TSHZ3: variants seen among roughly 807,000 people sequenced by gnomAD.
The protein encoded by TSHZ3 is teashirt zinc finger homeobox 3.
Under a neutral mutation model 64.5 loss-of-function variants are expected in TSHZ3, and 10 were observed. The observed-to-expected ratio is 0.16, with a 90% CI of 0.10 to 0.26. The LOEUF (loss-of-function observed/expected upper bound fraction) is 0.26, where lower values mean the gene tolerates loss of function less well. Ranked by LOEUF, TSHZ3 falls within the 10% of genes least tolerant of loss-of-function variation. The pLI, the probability that TSHZ3 is intolerant of heterozygous loss-of-function variation, is 1.00. For synonymous variants in TSHZ3, 608 were observed against 593.1 expected (o/e 1.03, Z -0.36); for missense variants, 1,242 against 1,421.7 (o/e 0.87, Z 2.03).
chr19:31,291,365 A>G (rs2145130040), intron 1 of TSHZ3, among the ~76,000 whole-genome samples: 1 of 152,218 alleles, frequency 6.6e-6, no homozygotes, highest in Middle Eastern at 3.4e-3. Context: ...CCATTGTACC[A>G]CCGTCTAGCA....
At position 31,204,508 on chromosome 19, in the gene TSHZ3, AAT is replaced by A. The variant is rs369884578; in HGVS notation, n.809+446_809+447del. 1.3e-3 allele frequency among the ~76,000 whole-genome samples: 205 copies of A among 152,272 alleles called. 8 individuals carry two copies. The South Asian group carries it at 0.042, about 31-fold the overall frequency. ...AAAATTATGTAAATTAAATTTGTCAAATATATCACTCCACTGTAGCAAATTTC... is the reference window on the plus strand; with the variant it reads ...AAAATTATGTAAATTAAATTTGTCAAATATCACTCCACTGTAGCAAATTTC... On this transcript the variant is annotated intron_variant and non_coding_transcript_variant, in intron 5 of 6. Transcript: ENST00000651361.
At chr19:31,270,249 A>G (rs924133764), downstream of TSHZ3, among the ~76,000 whole-genome samples, 7 of 152,214 alleles carry the variant, frequency 4.6e-5, no homozygotes, top group Non-Finnish European at 1.0e-4. Context: ...ATACCCATGA[A>G]CTGGAAACAC....
At chr19:31,244,631 G>A (rs920022847) in intron 1 of TSHZ3, among the ~76,000 whole-genome samples, 2 of 152,148 alleles carry the variant, frequency 1.3e-5, no homozygotes, top group African/African-American at 2.4e-5. Flanking sequence ...TATGTATACG[G>A]TCATTCAAAA....
chr19:31,340,580 G>A (rs1917403781), intron 1 of TSHZ3, among the ~76,000 whole-genome samples: 1 of 152,168 alleles, frequency 6.6e-6, no homozygotes, highest in Non-Finnish European at 1.5e-5. Flanking sequence ...AGCCTTGGCG[G>A]TGAGGAGAGA....
chr19:31,168,004 C>T (rs1031263841), intron 5 of TSHZ3, among the ~76,000 whole-genome samples: 2 of 152,168 alleles, frequency 1.3e-5, no homozygotes, highest in East Asian at 1.9e-4. Context: ...TCTTTTATAT[C>T]TGCCTGTAAA....
intron 6 of TSHZ3, among the ~76,000 whole-genome samples, chr19:31,151,955 A>C (rs1179030455): frequency 1.3e-5 from 2 of 152,204 alleles, no homozygotes; most frequent in Non-Finnish European, 2.9e-5. Context: ...CACACACACA[A>C]AAGTTAACTC....
chr19:31,344,138 T>C (rs919736912), intron 1 of TSHZ3, among the ~76,000 whole-genome samples: 1 of 152,182 alleles, frequency 6.6e-6, no homozygotes, highest in African/African-American at 2.4e-5. Context: ...CATTTGTAAC[T>C]TCAGACAGAG....
chr19:31,242,263 G>A (rs1381174571), intron 3 of TSHZ3, among the ~76,000 whole-genome samples: 2 of 152,120 alleles, frequency 1.3e-5, no homozygotes. Context: ...AAGGGAATTG[G>A]CTCACATGAT....
At chr19:31,220,605 A>T (rs975636420) in intron 4 of TSHZ3, among the ~76,000 whole-genome samples, 32 of 152,322 alleles carry the variant, frequency 2.1e-4, no homozygotes, top group African/African-American at 7.2e-4. Flanking sequence ...TTTAAATAGC[A>T]ACATATGATT....
chr19:31,342,086 T>A (rs931648238), intron 1 of TSHZ3, among the ~76,000 whole-genome samples: 1 of 152,246 alleles, frequency 6.6e-6, no homozygotes, highest in Admixed American at 6.5e-5. Context: ...ACATTTTTTA[T>A]GTACTTACCA....
At chr19:31,212,042 C>G (rs1291615502) in intron 4 of TSHZ3, among the ~76,000 whole-genome samples, 1 of 151,264 alleles carries the variant, frequency 6.6e-6, no homozygotes, top group Non-Finnish European at 1.5e-5. Flanking sequence ...TTAAGCTTTT[C>G]TTTCTCTCTT....
At chr19:31,327,300 A>C (rs1291528231) in intron 1 of TSHZ3, among the ~76,000 whole-genome samples, 2 of 152,232 alleles carry the variant, frequency 1.3e-5, no homozygotes, top group African/African-American at 4.8e-5. Flanking sequence ...AACAGCGATC[A>C]ATTTCCTTGT....
chr19:31,186,242 A>G (rs1974807747), intron 5 of TSHZ3, among the ~76,000 whole-genome samples: 1 of 152,168 alleles, frequency 6.6e-6, no homozygotes, highest in African/African-American at 2.4e-5. Context: ...ATGAGAAACT[A>G]CTGAGATGGT....
At chr19:31,265,115 G>T (rs144439759) in intron 1 of TSHZ3, among the ~76,000 whole-genome samples, 1 of 152,012 alleles carries the variant, frequency 6.6e-6, no homozygotes, top group Non-Finnish European at 1.5e-5. Flanking sequence ...TCCCATAGCC[G>T]GCTGGGTGCA....
Position 31,155,228 on chromosome 19 carries a change from T to C in TSHZ3, n.871+1128A>G, listed in dbSNP as rs533521430. ...TGATCCCATGCTCTCCCTGGGACTA[T>C]GTTACTTGGACAAGGAATATTTGTC... On this transcript the variant is annotated intron_variant and non_coding_transcript_variant, in intron 6 of 6. Coordinates refer to the TSHZ3 transcript ENST00000651361. 1.1e-4 allele frequency among the ~76,000 whole-genome samples: 16 copies of C among 152,336 alleles called. No homozygotes were observed. The South Asian group carries it at 2.7e-3, about 26-fold the overall frequency.
chr19:31,150,531 G>A (rs902662662), exon 7 of TSHZ3, among the ~76,000 whole-genome samples: 2 of 152,190 alleles, frequency 1.3e-5, no homozygotes, highest in Non-Finnish European at 2.9e-5. Flanking sequence ...GGGATACCCT[G>A]CCCACTGGGA....
At chr19:31,298,676 G>A (rs893511170) in intron 1 of TSHZ3, among the ~76,000 whole-genome samples, 11 of 152,060 alleles carry the variant, frequency 7.2e-5, no homozygotes, top group Non-Finnish European at 1.5e-4. Context: ...AAACCAGCCC[G>A]AGAAGGAGCG....
chr19:31,156,491 G>A lies in TSHZ3; in HGVS notation n.810-74C>T, dbSNP rs1453930454. ...ACCAGTTTTTGTCGGTCGGGAGCAG[G>A]AGCAGATATCAGCCACCCAGGGCAT... On this transcript the variant is annotated intron_variant and non_coding_transcript_variant, in intron 5 of 6. Coordinates refer to the TSHZ3 transcript ENST00000651361. Among the ~76,000 whole-genome samples, 4 of 152,254 alleles carry A rather than the reference G, an allele frequency of 2.6e-5. No homozygotes were observed. In the South Asian group the frequency reaches 6.2e-4, roughly 24 times the overall value.
chr19:31,260,934 T>G (rs1238977100), intron 1 of TSHZ3, among the ~76,000 whole-genome samples: 14 of 152,236 alleles, frequency 9.2e-5, no homozygotes, highest in Admixed American at 9.2e-4. Context: ...CAGCACCTTC[T>G]GTGTGCCAAG....
Sources: gnomAD v4.1 joint callset for allele counts (sites outside exome capture counted in the v4.1 genomes callset) on GRCh38, gnomAD v4.1.1 for gene constraint, MANE v1.5 for transcripts, NCBI Gene and HGNC (gene_info 2026-07-23, HGNC 2026-07-21) for gene names.